Variants in FBXL13 observed in about 807,000 individuals in gnomAD.
FBXL13 encodes the protein F-box and leucine rich repeat protein 13, also known as F-box and leucine-rich repeat protein 13.
A neutral mutation model predicts 83.6 loss-of-function variants in FBXL13; 67 were observed. The ratio of observed to expected loss-of-function variants is 0.80; its 90% confidence interval spans 0.66 to 0.98. The LOEUF (loss-of-function observed/expected upper bound fraction) is 0.98, where lower values mean the gene tolerates loss of function less well. Ranked by LOEUF, FBXL13 falls within the 50% of genes least tolerant of loss-of-function variation. The pLI, the probability that FBXL13 is intolerant of heterozygous loss-of-function variation, is 0.00. For missense variants in FBXL13, 822 were observed against 866.5 expected (o/e 0.95, Z 0.64); for synonymous variants, 272 against 299.5 (o/e 0.91, Z 0.95).
intron 9 of FBXL13, among the ~76,000 whole-genome samples, chr7:102,931,483 C>G (rs142060874): frequency 6.6e-6 from 1 of 152,258 alleles, no homozygotes; most frequent in African/African-American, 2.4e-5. Context: ...AGACTGGAGA[C>G]AGGAACCAGG....
chr7:102,953,679 A>T (rs1337153493), intron 8 of FBXL13, among the ~76,000 whole-genome samples: 1 of 152,188 alleles, frequency 6.6e-6, no homozygotes, highest in Non-Finnish European at 1.5e-5. Flanking sequence ...GGTGAATTTT[A>T]TGTTACATAA....
At chr7:102,972,282 C>T (rs1826784681) in intron 6 of FBXL13, among the ~76,000 whole-genome samples, 1 of 151,758 alleles carries the variant, frequency 6.6e-6, no homozygotes, top group Non-Finnish European at 1.5e-5. Context: ...CACTCTAACA[C>T]CAGAGAGAGT....
rs78992723 is a variant in FBXL13, at chr7:103,026,880, C to G, written c.327+569G>C. 3.8e-3 allele frequency among the ~76,000 whole-genome samples: 581 copies of G among 151,852 alleles called. 31 individuals carry two copies. In the East Asian group the frequency reaches 0.1, roughly 27 times the overall value. ...TATCTCCTACTAAATAATGTAACTA[C>G]AGAAAAAAAAATCCAGCATGTTTCT... On this transcript the variant is annotated intron_variant, in intron 5 of 19. Transcript: ENST00000313221.
chr7:102,913,252 T>C (rs775934779), intron 10 of FBXL13, 37 bp from the exon 12 acceptor site: 7 of 1,610,420 alleles, frequency 4.3e-6, no homozygotes, highest in Non-Finnish European at 5.9e-6. Context: ...AGTATTATAC[T>C]TCCGTTGTTC....
chr7:103,028,736 G>C (rs1433985145), exon 4 of FBXL13: 1 of 1,578,392 alleles, frequency 6.3e-7, no homozygotes, highest in African/African-American at 1.4e-5. Context: ...TACGAGCTAT[G>C]TCTCTCCAAG....
chr7:102,867,303 A>G (rs1308684612), intron 16 of FBXL13, among the ~76,000 whole-genome samples: 1 of 152,108 alleles, frequency 6.6e-6, no homozygotes, highest in East Asian at 1.9e-4. Context: ...GGCTGCAGTG[A>G]GCTATGATGA....
chr7:102,951,744 G>A (rs1163094698), intron 8 of FBXL13, among the ~76,000 whole-genome samples: 1 of 146,976 alleles, frequency 6.8e-6, no homozygotes, highest in East Asian at 2.0e-4. Flanking sequence ...GGTTGAGGCT[G>A]CAGTGAGCTG....
intron 2 of FBXL13, among the ~76,000 whole-genome samples, chr7:103,052,869 G>C (rs1796966011): frequency 6.7e-6 from 1 of 150,366 alleles, no homozygotes; most frequent in Non-Finnish European, 1.5e-5. Context: ...TGATTCTCCT[G>C]GCTCACCCTC....
Position 102,913,080 on chromosome 7 carries a change from AC to A in FBXL13, c.1008+5del. The A allele has an allele frequency of 6.2e-7, 1 of 1,614,154 alleles. No individual in the cohort carries two copies. The highest frequency in any genetic ancestry group is 8.5e-7 in the Non-Finnish European group (1 of 1,180,012). ...ACCGCAGCAAAGAGAAGACTGAAAG[AC>A]AAACCTGGGTGCAGCCAGAGAGGTC... On this transcript the variant is annotated splice_donor_5th_base_variant and intron_variant, in intron 11 of 19. Coordinates refer to ENST00000313221, the Ensembl canonical transcript of FBXL13.
At chr7:102,847,135 GA>G (rs1275459815) in intron 17 of FBXL13, among the ~76,000 whole-genome samples, 1 of 152,004 alleles carries the variant, frequency 6.6e-6, no homozygotes, top group African/African-American at 2.4e-5. Flanking sequence ...GCAAAGTTGG[GA>G]AGTTGCGACA....
chr7:102,826,759 A>ATGTATG (rs1799771434), intron 18 of FBXL13, among the ~76,000 whole-genome samples: 1 of 111,538 alleles, frequency 9.0e-6, no homozygotes, highest in Non-Finnish European at 1.7e-5. Context: ...ATATATATAT[A>ATGTATG]TATATATATA....
At chr7:102,999,108 T>C (rs1024375564) in intron 6 of FBXL13, among the ~76,000 whole-genome samples, 1 of 151,754 alleles carries the variant, frequency 6.6e-6, no homozygotes, top group Admixed American at 6.6e-5. Context: ...ACCCAAATTG[T>C]TGAGGGTTTT....
intron 1 of FBXL13, among the ~76,000 whole-genome samples, chr7:103,061,185 T>G (rs59099783): frequency 0.054 from 8,256 of 151,976 alleles, 305 homozygotes; most frequent in South Asian, 0.13. Context: ...GTTTTTTTTT[T>G]TTGTTTTTTT....
chr7:102,857,810 A>G (rs1340248786), intron 16 of FBXL13: 1 of 152,246 alleles, frequency 6.6e-6, no homozygotes, highest in East Asian at 1.9e-4. Flanking sequence ...AAAAATAACA[A>G]TGCTGGTGAG....
chr7:102,886,407 T>G (rs140986494), intron 11 of FBXL13, among the ~76,000 whole-genome samples: 102 of 152,274 alleles, frequency 6.7e-4, no homozygotes, highest in African/African-American at 2.4e-3. Flanking sequence ...GGTTCTGTCA[T>G]CAGAGCCTCC....
chr7:102,933,296 AG>A (rs1304127368), intron 8 of FBXL13: 1 of 152,002 alleles, frequency 6.6e-6, no homozygotes, highest in Non-Finnish European at 1.5e-5. Flanking sequence ...AAAAAGGCTC[AG>A]GAAGACAACA....
At chr7:102,813,416 T>G (rs1407245935) in exon 20 of FBXL13, 1 of 1,614,202 alleles carries the variant, frequency 6.2e-7, no homozygotes, top group South Asian at 1.1e-5. Flanking sequence ...GATGATGTTA[T>G]GTTGTCAAGC....
intron 6 of FBXL13, among the ~76,000 whole-genome samples, chr7:103,016,448 C>T (rs765504928): frequency 2.6e-5 from 4 of 151,946 alleles, no homozygotes; most frequent in Non-Finnish European, 4.4e-5. Context: ...TCTCACTAAC[C>T]GAGGTACCAG....
intron 16 of FBXL13, among the ~76,000 whole-genome samples, chr7:102,856,969 A>C (rs1469244447): frequency 6.6e-6 from 1 of 152,218 alleles, no homozygotes; most frequent in Non-Finnish European, 1.5e-5. Flanking sequence ...TTTATAATAA[A>C]ATCCATGCAT....
Sources: gnomAD v4.1 joint callset for allele counts (sites outside exome capture counted in the v4.1 genomes callset) on GRCh38, gnomAD v4.1.1 for gene constraint, MANE v1.5 for transcripts, NCBI Gene and HGNC (gene_info 2026-07-23, HGNC 2026-07-21) for gene names.